RASSF9: variants seen among roughly 807,000 people sequenced by gnomAD.
RASSF9 encodes ras association domain-containing protein 9.
A neutral mutation model predicts 21.4 loss-of-function variants in RASSF9; 18 were observed. That is an observed-to-expected ratio of 0.84 (90% CI 0.58 to 1.25). The LOEUF (loss-of-function observed/expected upper bound fraction) is 1.25. Among genes scored for constraint, RASSF9 ranks in the 50% most tolerant of loss-of-function variants. RASSF9 has a pLI of 0.00. For synonymous variants in RASSF9, 183 were observed against 179.1 expected (o/e 1.02, Z -0.18); for missense variants, 480 against 503.2 (o/e 0.95, Z 0.44).
In RASSF9 at chr12:85,804,723, A is replaced by T; in HGVS notation, c.1287T>A (p.Asp429Glu). 1 of 1,605,344 alleles carries T rather than the reference A, an allele frequency of 6.2e-7. No homozygotes were observed. The highest frequency in any genetic ancestry group is 8.5e-7 in the Non-Finnish European group (1 of 1,173,012). Residue 429 changes from aspartate to glutamate, a missense_variant, in exon 2 of 2, where the codon GAT becomes GAA. Coordinates refer to ENST00000361228, the MANE Select transcript of RASSF9 (RefSeq NM_005447.4). ...GGAACTATGTTGACAACAGCACCAC[A>T]TCTCCTACTGTTGTTTCGGAGTCCT... ...HSQDSETTVG[D>E]VVLLST
intron 1 of RASSF9, among the ~76,000 whole-genome samples, chr12:85,817,228 A>G (rs1157302700): frequency 6.6e-6 from 1 of 152,110 alleles, no homozygotes; most frequent in Non-Finnish European, 1.5e-5. Context: ...TATGAAGTTT[A>G]AAGTGTTTTA....
At chr12:85,812,110 T>A (rs1325139140) in intron 1 of RASSF9, among the ~76,000 whole-genome samples, 6 of 151,752 alleles carry the variant, frequency 4.0e-5, no homozygotes, top group Non-Finnish European at 8.9e-5. Flanking sequence ...ATTATCTTTT[T>A]AGTTATTGGA....
At chr12:85,806,034 A>G in intron 1 of RASSF9, 72 bp from the exon 2 acceptor site, 1 of 1,467,860 alleles carries the variant, frequency 6.8e-7, no homozygotes, top group Non-Finnish European at 9.2e-7. Flanking sequence ...GTTTAACATT[A>G]GTATGCTTTC....
In RASSF9 at chr12:85,836,392, G is replaced by A. The variant is rs1880565272; in HGVS notation, c.-191C>T. The stretch of plus-strand genomic sequence containing the variant: ...AGTTGTGCAACTGCTGCTTAACTTT[G>A]AACTGCGGGATTGTTGTGGCTGCTG... On this transcript the variant is annotated 5_prime_UTR_variant, in exon 1 of 2. Transcript: ENST00000361228. 1 of 1,276,640 alleles carries A rather than the reference G, an allele frequency of 7.8e-7. No homozygotes were observed. Among genetic ancestry groups the A allele is most frequent in the Non-Finnish European group, 1.1e-6 (1 of 946,262 alleles). The allele number at this position is 1,276,640 out of a possible 1,614,324, so 79.1% of individuals were successfully genotyped here. A position where few individuals can be genotyped will look rare whatever the true frequency, so the allele number is the denominator to read the frequency against.
Position 85,836,376 on chromosome 12 carries a change from A to T in RASSF9, c.-175T>A, listed in dbSNP as rs935631052. On this transcript the variant is annotated 5_prime_UTR_variant, in exon 1 of 2. It adds an upstream start codon to the 5' untranslated region. Coordinates refer to ENST00000361228, the MANE Select transcript of RASSF9 (RefSeq NM_005447.4). ...TGAGAAAGTTGCTGGAAGTTGTGCA[A>T]CTGCTGCTTAACTTTGAACTGCGGG... 5 of 1,371,236 alleles carry T rather than the reference A, an allele frequency of 3.6e-6. No homozygotes were observed. The highest frequency in any genetic ancestry group is 4.9e-6 in the Non-Finnish European group (5 of 1,026,350). The allele number at this position is 1,371,236 out of a possible 1,614,324, so 84.9% of individuals were successfully genotyped here.
At chr12:85,832,295 A>G (rs116882325) in intron 1 of RASSF9, among the ~76,000 whole-genome samples, 53 of 152,030 alleles carry the variant, frequency 3.5e-4, no homozygotes, top group Non-Finnish European at 6.6e-4. Context: ...TGGTAATGTT[A>G]TGCTTCTAGC....
chr12:85,821,316 A>G (rs1345961882), intron 1 of RASSF9, among the ~76,000 whole-genome samples: 2 of 152,180 alleles, frequency 1.3e-5, no homozygotes, highest in African/African-American at 4.8e-5. Context: ...TTAATTTTAC[A>G]CAGTATGTGG....
Position 85,801,997 on chromosome 12 carries a change from A to G in RASSF9, c.*2705T>C, listed in dbSNP as rs948187915. 6.6e-6 allele frequency: 1 copy of G among 152,228 alleles called. No homozygotes were observed. The highest frequency in any genetic ancestry group is 1.5e-5 in the Non-Finnish European group (1 of 68,050). The allele number at this position is 152,228 out of a possible 1,614,324, so 9.4% of individuals were successfully genotyped here. A position where few individuals can be genotyped will look rare whatever the true frequency, so the allele number is the denominator to read the frequency against. On this transcript the variant is annotated 3_prime_UTR_variant, in exon 2 of 2. Coordinates refer to ENST00000361228, the MANE Select transcript of RASSF9 (RefSeq NM_005447.4). Reference sequence around the variant, plus strand: ...TATATCATAGAAGAGCTAGCACATTAAAAAGACTGTGGAAAGGGTAAGATT... The same window carrying G: ...TATATCATAGAAGAGCTAGCACATTGAAAAGACTGTGGAAAGGGTAAGATT...
chr12:85,808,341 A>G (rs911474742), intron 1 of RASSF9, among the ~76,000 whole-genome samples: 1 of 152,112 alleles, frequency 6.6e-6, no homozygotes, highest in Non-Finnish European at 1.5e-5. Flanking sequence ...ATAGTTTATT[A>G]CTCAAAAAAT....
chr12:85,825,149 C>G (rs202000921), intron 1 of RASSF9, among the ~76,000 whole-genome samples: 1 of 152,038 alleles, frequency 6.6e-6, no homozygotes, highest in Non-Finnish European at 1.5e-5. Context: ...ATTACAGGTG[C>G]GTGCCACTAT....
chr12:85,824,471 G>A (rs1263902460), intron 1 of RASSF9, among the ~76,000 whole-genome samples: 2 of 152,124 alleles, frequency 1.3e-5, no homozygotes, highest in Non-Finnish European at 2.9e-5. Flanking sequence ...GATATCGTAG[G>A]TTGTTATAAA....
intron 1 of RASSF9, among the ~76,000 whole-genome samples, chr12:85,824,839 C>G (rs541380831): frequency 6.6e-6 from 1 of 152,146 alleles, no homozygotes; most frequent in African/African-American, 2.4e-5. Context: ...ATTTTGACTT[C>G]GAGCTTTTCC....
chr12:85,822,909 G>A (rs1880246428), intron 1 of RASSF9, among the ~76,000 whole-genome samples: 1 of 152,026 alleles, frequency 6.6e-6, no homozygotes, highest in African/African-American at 2.4e-5. Context: ...ACCACAAAAT[G>A]TCTACTGCCG....
intron 1 of RASSF9, among the ~76,000 whole-genome samples, chr12:85,834,601 C>CA (rs1191550376): frequency 2.0e-5 from 3 of 151,978 alleles, no homozygotes; most frequent in East Asian, 1.9e-4. Flanking sequence ...TAAAGCAAAA[C>CA]AAAAAAACCT....
In RASSF9 at chr12:85,834,165, C is replaced by T. The variant is rs149833256; in HGVS notation, c.47+1990G>A. Reference sequence around the variant, plus strand: ...AATACCCATATTTTTGTGTCCTAGACCACTGCTGTGGTTTAAATCTTTCTT... The same window carrying T: ...AATACCCATATTTTTGTGTCCTAGATCACTGCTGTGGTTTAAATCTTTCTT... On this transcript the variant is annotated intron_variant, in intron 1 of 1. Transcript: ENST00000361228. Among the ~76,000 whole-genome samples the T allele has an allele frequency of 2.6e-3, 389 of 152,092 alleles. 4 individuals are homozygous for T. The highest frequency in any genetic ancestry group is 8.6e-3 in the African/African-American group (359 of 41,550).
rs957420036 is a variant in RASSF9, at chr12:85,805,867, G to A, written c.143C>T (p.Thr48Ile). The change falls in exon 2 of 2, where the codon ACC becomes ATC. Residue 48 changes from threonine to isoleucine, a missense_variant. Transcript: ENST00000361228. ...CAAAGCCTGGATGACATCAGCAGAG[G>A]TGGTGCGTTTAGTCAGCCCACAGAC... ...KLVCGLTKRTTSADVIQALLE... is the reference protein window; with the variant it reads ...KLVCGLTKRTISADVIQALLE... The A allele has an allele frequency of 1.2e-6, 2 of 1,613,942 alleles. No homozygotes were observed. The highest frequency in any genetic ancestry group is 3.3e-5 in the Admixed American group (2 of 60,028).
chr12:85,812,053 G>A (rs1353615284), intron 1 of RASSF9, among the ~76,000 whole-genome samples: 3 of 151,670 alleles, frequency 2.0e-5, no homozygotes, highest in African/African-American at 7.2e-5. Flanking sequence ...TGCTCTTTTA[G>A]TCATATCTAA....
Position 85,803,193 on chromosome 12 carries a change from T to G in RASSF9, c.*1509A>C, listed in dbSNP as rs2136547304. ...TTTAAAAAATTAAATACTTTTCAAA[T>G]TTTGAAAGTAAAACAATAAGAAAAC... On this transcript the variant is annotated 3_prime_UTR_variant, in exon 2 of 2. Transcript: ENST00000361228. The G allele has an allele frequency of 6.6e-6, 1 of 152,098 alleles. No individual in the cohort carries two copies. Among genetic ancestry groups the G allele is most frequent in the East Asian group, 1.9e-4 (1 of 5,182 alleles). 9.4% of individuals were successfully genotyped at this position (152,098 alleles called of 1,614,324 possible). A position where few individuals can be genotyped will look rare whatever the true frequency, so the allele number is the denominator to read the frequency against.
At chr12:85,824,569 A>C (rs1880288716) in intron 1 of RASSF9, among the ~76,000 whole-genome samples, 1 of 152,098 alleles carries the variant, frequency 6.6e-6, no homozygotes, top group Admixed American at 6.5e-5. Context: ...TTTTATTGAA[A>C]TCTTTAAACT....
Sources: gnomAD v4.1 joint callset for allele counts (sites outside exome capture counted in the v4.1 genomes callset) on GRCh38, gnomAD v4.1.1 for gene constraint, MANE v1.5 for transcripts, NCBI Gene and HGNC (gene_info 2026-07-23, HGNC 2026-07-21) for gene names.